The following KCNB2 variants were observed in gnomAD, a reference collection of about 807,000 sequenced individuals.
The protein encoded by KCNB2 is potassium voltage-gated channel subfamily B member 2.
In KCNB2, 15 loss-of-function variants were observed where a neutral mutation model predicts 61.5. That is an observed-to-expected ratio of 0.24 (90% CI 0.16 to 0.38). The LOEUF (loss-of-function observed/expected upper bound fraction) is 0.38, where lower values mean the gene tolerates loss of function less well. Ranked by LOEUF, KCNB2 falls within the 10% of genes least tolerant of loss-of-function variation. The pLI is 1.00. For synonymous variants in KCNB2, 457 were observed against 446.0 expected (o/e 1.02, Z -0.31); for missense variants, 828 against 1,125.2 (o/e 0.74, Z 3.78).
rs2128979016 is a variant in KCNB2 at position 72,567,854 on chromosome 8, T to C, written c.120T>C (p.Asn40=). 1 of 1,613,942 alleles carries C rather than the reference T, an allele frequency of 6.2e-7. No homozygotes were observed. The highest frequency in any genetic ancestry group is 1.3e-5 in the African/African-American group (1 of 74,960). The change falls in exon 2 of 3, where the codon AAT becomes AAC. Residue 40 remains asparagine, a synonymous_variant. Transcript: ENST00000523207. ...SKTCSRRVKI[N]VGGLNHEVLW... is the part of the protein sequence containing the mutation. The stretch of plus-strand genomic sequence containing the variant: ...CATGCTCCAGGAGAGTTAAGATCAA[T>C]GTGGGGGGCCTCAACCACGAAGTCC...
intron 2 of KCNB2, among the ~76,000 whole-genome samples, chr8:72,691,245 C>G (rs1806935636): frequency 6.6e-6 from 1 of 152,214 alleles, no homozygotes; most frequent in Non-Finnish European, 1.5e-5. Flanking sequence ...TTTCTCACAG[C>G]ATAAAAATGA....
At chr8:72,683,197 G>A (rs1806791788) in intron 2 of KCNB2, among the ~76,000 whole-genome samples, 1 of 152,176 alleles carries the variant, frequency 6.6e-6, no homozygotes, top group Non-Finnish European at 1.5e-5. Context: ...GACACAAGTA[G>A]CTATCACCAT....
At chr8:72,767,798 T>A (rs1013517828) in intron 2 of KCNB2, among the ~76,000 whole-genome samples, 1 of 152,222 alleles carries the variant, frequency 6.6e-6, no homozygotes, top group South Asian at 2.1e-4. Flanking sequence ...ACAAATTGTT[T>A]TCCAAAATGC....
At chr8:72,725,361 T>A (rs1486382733) in intron 2 of KCNB2, among the ~76,000 whole-genome samples, 1 of 151,500 alleles carries the variant, frequency 6.6e-6, no homozygotes, top group African/African-American at 2.4e-5. Flanking sequence ...AGAGTTGTAG[T>A]GTTAGGGCCA....
At chr8:72,856,687 G>A (rs955757921) in intron 2 of KCNB2, among the ~76,000 whole-genome samples, 1 of 152,092 alleles carries the variant, frequency 6.6e-6, no homozygotes, top group Non-Finnish European at 1.5e-5. Flanking sequence ...CCTGTTCTTG[G>A]TTCTAAAACC....
In KCNB2 at chr8:72,929,979, G is replaced by T. The variant is rs1428966824; in HGVS notation, c.580-5956G>T. Among the ~76,000 whole-genome samples the T allele has an allele frequency of 8.8e-5, 11 of 124,470 alleles. No individual in the cohort carries two copies. In the Admixed American group the frequency reaches 1.2e-3, roughly 14 times the overall value. 81.7% of individuals were successfully genotyped at this position (124,470 alleles called of 152,430 possible). On this transcript the variant is annotated intron_variant, in intron 2 of 2. Transcript: ENST00000523207. ...CCCACCCCACAACAGGCCCCAGTGT[G>T]TGATATCCCCCTTCCTGTGTCCCTG...
chr8:72,888,400 C>T (rs927459842), intron 2 of KCNB2, among the ~76,000 whole-genome samples: 4 of 152,106 alleles, frequency 2.6e-5, no homozygotes, highest in Admixed American at 1.3e-4. Flanking sequence ...CGTTAGTCAC[C>T]GCACATGGCC....
intron 2 of KCNB2, among the ~76,000 whole-genome samples, chr8:72,703,897 G>A (rs573997286): frequency 3.3e-5 from 5 of 152,256 alleles, no homozygotes; most frequent in African/African-American, 9.6e-5. Context: ...ATCCTTCCAC[G>A]CATCATTCTA....
chr8:72,777,945 T>G (rs983850374), intron 2 of KCNB2, among the ~76,000 whole-genome samples: 2 of 152,232 alleles, frequency 1.3e-5, no homozygotes, highest in African/African-American at 4.8e-5. Context: ...TCTCCTATAC[T>G]ATCTGTCCCA....
Position 72,936,792 on chromosome 8 carries a change from G to A in KCNB2, c.1437G>A (p.Lys479=), listed in dbSNP as rs779019441. ...VEKAGESANT[K]DSADDNHLSP... ...AGGCCGGAGAGTCCGCCAACACAAAGGACTCCGCCGACGATAATCACCTGT... is the reference window on the plus strand; with the variant it reads ...AGGCCGGAGAGTCCGCCAACACAAAAGACTCCGCCGACGATAATCACCTGT... Residue 479 remains lysine (K), a synonymous_variant, in exon 3 of 3, where the codon AAG becomes AAA. Coordinates refer to ENST00000523207, the MANE Select transcript of KCNB2 (RefSeq NM_004770.3). This position sits in a 1 kb window ranked among gnomAD's most constrained non-coding sequence, Gnocchi z 5.6. The A allele has an allele frequency of 6.2e-7, 1 of 1,614,050 alleles. No individual in the cohort carries two copies. The highest frequency in any genetic ancestry group is 1.3e-5 in the African/African-American group (1 of 74,920).
At chr8:72,782,857 CTT>C (rs1808785515) in intron 2 of KCNB2, among the ~76,000 whole-genome samples, 1 of 151,924 alleles carries the variant, frequency 6.6e-6, no homozygotes, top group African/African-American at 2.4e-5. Context: ...GGCCTTTTTT[CTT>C]TTTCTTTTTC....
At chr8:72,751,253 ACATAGCTC>A (rs1300126271) in intron 2 of KCNB2, 1 of 152,130 alleles carries the variant, frequency 6.6e-6, no homozygotes, top group Non-Finnish European at 1.5e-5. Context: ...CACAACAATC[ACATAGCTC>A]TTCCCTCTTC....
intron 2 of KCNB2, among the ~76,000 whole-genome samples, chr8:72,641,030 T>G (rs1806047422): frequency 6.6e-6 from 1 of 151,988 alleles, no homozygotes; most frequent in African/African-American, 2.4e-5. Context: ...GCAGAGAAGT[T>G]GAGTAAAGGG....
Position 72,568,335 on chromosome 8 carries a change from T to C in KCNB2, c.579+22T>C, listed in dbSNP as rs116533445. On this transcript the variant is annotated intron_variant, in intron 2 of 2. Transcript: ENST00000523207. ...AAAGGTATGAAACCCATAGTATTGCTTGCCTGTGTGTGGTCAGAAAAGATG... is the reference window on the plus strand; with the variant it reads ...AAAGGTATGAAACCCATAGTATTGCCTGCCTGTGTGTGGTCAGAAAAGATG... 3.8e-4 allele frequency: 598 copies of C among 1,575,776 alleles called. 5 individuals are homozygous for C. In the African/African-American group the frequency reaches 7.7e-3, roughly 20 times the overall value.
chr8:72,905,892 G>A (rs981407155), intron 2 of KCNB2, among the ~76,000 whole-genome samples: 1 of 152,092 alleles, frequency 6.6e-6, no homozygotes, highest in African/African-American at 2.4e-5. Context: ...TTGGGATGTA[G>A]ATCAAGGGTG....
intron 2 of KCNB2, among the ~76,000 whole-genome samples, chr8:72,610,351 T>G (rs556752018): frequency 1.3e-5 from 2 of 152,312 alleles, no homozygotes; most frequent in South Asian, 4.1e-4. Context: ...AGGAAAAAGT[T>G]TAAAACAGAA....
intron 2 of KCNB2, among the ~76,000 whole-genome samples, chr8:72,852,588 C>T (rs749589581): frequency 6.0e-4 from 91 of 152,070 alleles, no homozygotes; most frequent in Non-Finnish European, 1.1e-3. Flanking sequence ...TAGCTGTATT[C>T]GACAGTGGAT....
At chr8:72,714,736 G>A (rs1336573590) in intron 2 of KCNB2, among the ~76,000 whole-genome samples, 2 of 152,156 alleles carry the variant, frequency 1.3e-5, no homozygotes, top group Non-Finnish European at 2.9e-5. Context: ...TCAAGGCTAG[G>A]AAGAAACTGC....
chr8:72,835,602 A>G (rs1809767859), intron 2 of KCNB2, among the ~76,000 whole-genome samples: 1 of 152,188 alleles, frequency 6.6e-6, no homozygotes, highest in Non-Finnish European at 1.5e-5. Flanking sequence ...TTTGTGTGCA[A>G]AAAGCTCCCA....
Sources: allele counts gnomAD v4.1 joint callset (sites outside exome capture counted in the v4.1 genomes callset), GRCh38; gene constraint gnomAD v4.1.1; non-coding constraint Gnocchi (gnomAD v3.1); transcripts MANE v1.5; gene names NCBI Gene and HGNC (gene_info 2026-07-23, HGNC 2026-07-21).